UNC13B: variants seen among roughly 807,000 people sequenced by gnomAD.
UNC13B encodes the protein protein unc-13 homolog B.
UNC13B carries 144 observed loss-of-function variants against 211.0 expected under a neutral mutation model. That is an observed-to-expected ratio of 0.68 (90% confidence interval 0.60 to 0.78). UNC13B has a LOEUF of 0.78. Among genes scored for constraint, UNC13B ranks in the 30% least tolerant of loss-of-function variants. The pLI, the probability that UNC13B is intolerant of heterozygous loss-of-function variation, is 0.00. For synonymous variants in UNC13B, 709 were observed against 725.8 expected (o/e 0.98, Z 0.37); for missense variants, 1,777 against 2,002.0 (o/e 0.89, Z 2.14).
At chr9:35,214,699 T>G (rs1824162845) in intron 1 of UNC13B, among the ~76,000 whole-genome samples, 1 of 152,090 alleles carries the variant, frequency 6.6e-6, no homozygotes, top group Non-Finnish European at 1.5e-5. Flanking sequence ...AGAGGCAATA[T>G]TTAATGAGAA....
At position 35,310,727 on chromosome 9, in the gene UNC13B, A is replaced by C. The variant is rs1564128223; in HGVS notation, c.9269A>C (p.His3090Pro). 2.5e-6 allele frequency: 4 copies of C among 1,613,438 alleles called. No homozygotes were observed. In the African/African-American group the frequency reaches 4.0e-5, roughly 16 times the overall value. The change falls in exon 10 of 40, where the codon CAC (histidine) becomes CCC (proline). Residue 3090 changes from histidine to proline, a missense_variant. Coordinates refer to ENST00000635942, the MANE Select transcript of UNC13B (RefSeq NM_001371189.2). ...PKEMKEDATT[H>P]PPPDLVLQKD... Reference sequence around the variant, plus strand: ...GAGATGAAAGAAGATGCCACAACCCACCCTCCCCCAGATCTGGTGCTGCAA... The same window carrying C: ...GAGATGAAAGAAGATGCCACAACCCCCCCTCCCCCAGATCTGGTGCTGCAA...
chr9:35,249,679 G>T (rs2131585191), intron 6 of UNC13B, among the ~76,000 whole-genome samples: 1 of 152,192 alleles, frequency 6.6e-6, no homozygotes, highest in South Asian at 2.1e-4. Flanking sequence ...GTTGAATATT[G>T]GCCCCCACTC....
chr9:35,395,831 G>A (rs569444057), intron 26 of UNC13B, among the ~76,000 whole-genome samples: 1 of 152,278 alleles, frequency 6.6e-6, no homozygotes, highest in South Asian at 2.1e-4. Context: ...ATCTGGCTGT[G>A]TTTCCATAGT....
At chr9:35,346,088 C>T (rs1832340668) in intron 11 of UNC13B, among the ~76,000 whole-genome samples, 1 of 152,084 alleles carries the variant, frequency 6.6e-6, no homozygotes, top group South Asian at 2.1e-4. Flanking sequence ...TATCTTGTGC[C>T]CTGATCATTT....
chr9:35,287,118 TTTTCTTTC>T (rs564451877), intron 7 of UNC13B, among the ~76,000 whole-genome samples: 4 of 150,894 alleles, frequency 2.7e-5, no homozygotes, highest in African/African-American at 7.2e-5. Context: ...TTTCATTTCT[TTTTCTTTC>T]TTTCTTTCTT....
At chr9:35,338,473 C>G (rs1285657159) in intron 11 of UNC13B, among the ~76,000 whole-genome samples, 1 of 152,136 alleles carries the variant, frequency 6.6e-6, no homozygotes, top group Non-Finnish European at 1.5e-5. Flanking sequence ...AGGGAAGGAG[C>G]AGGATTACCT....
Position 35,162,232 on chromosome 9 carries a change from G to T in UNC13B, c.-52G>T. The T allele has an allele frequency of 1.3e-6, 2 of 1,542,108 alleles. No individual in the cohort carries two copies. Among genetic ancestry groups the T allele is most frequent in the East Asian group, 2.4e-5 (1 of 40,862 alleles). ...CGCGGCACCTGCTGAGAGGAAAGAGGGAGCGGTCCGGCGCGGCTGGGGCGC... is the reference window on the plus strand; with the variant it reads ...CGCGGCACCTGCTGAGAGGAAAGAGTGAGCGGTCCGGCGCGGCTGGGGCGC... On this transcript the variant is annotated 5_prime_UTR_variant, in exon 1 of 40. Transcript: ENST00000635942.
intron 1 of UNC13B, among the ~76,000 whole-genome samples, chr9:35,165,551 G>T (rs932921251): frequency 4.5e-4 from 69 of 151,926 alleles, no homozygotes; most frequent in African/African-American, 1.6e-3. Context: ...TGGGGTAGCT[G>T]GGATTACAGG....
rs1196916998 is a variant in UNC13B at position 35,398,211 on chromosome 9, C to G, written c.11755C>G (p.Pro3919Ala). ...TCAACAGCTACATCTGTCCCCAAAG[C>G]CCTGCATCCTGATGAACAACGTGCA... Reference protein sequence around the residue: ...FPAYCTKEKLPCILMNNVQQL... With the variant: ...FPAYCTKEKLACILMNNVQQL... Residue 3919 changes from proline to alanine, a missense_variant and splice_region_variant, in exon 31 of 40, where the codon CCC (proline) becomes GCC (alanine). By Grantham distance (27) the Pro-to-Ala change is conservative (BLOSUM62 -1). Transcript: ENST00000635942. The G allele has an allele frequency of 1.9e-6, 3 of 1,613,462 alleles. No individual in the cohort carries two copies. Among genetic ancestry groups the G allele is most frequent in the Non-Finnish European group, 2.5e-6 (3 of 1,179,704 alleles).
At chr9:35,169,905 T>C (rs1339738978) in intron 1 of UNC13B, among the ~76,000 whole-genome samples, 1 of 152,236 alleles carries the variant, frequency 6.6e-6, no homozygotes, top group African/African-American at 2.4e-5. Context: ...GTTTGGGCTG[T>C]GTATCATTAG....
chr9:35,278,206 G>A (rs1046710027), intron 7 of UNC13B, among the ~76,000 whole-genome samples: 12 of 152,116 alleles, frequency 7.9e-5, no homozygotes, highest in Non-Finnish European at 1.5e-4. Context: ...TACAGGGCTC[G>A]CCCAGTTTGG....
chr9:35,174,344 G>A (rs1481140707), intron 1 of UNC13B, among the ~76,000 whole-genome samples: 1 of 151,168 alleles, frequency 6.6e-6, no homozygotes, highest in Non-Finnish European at 1.5e-5. Flanking sequence ...TTTTTGTCGG[G>A]GGGCAGGGTC....
chr9:35,242,818 ATGT>A (rs1825881492), intron 5 of UNC13B, among the ~76,000 whole-genome samples: 1 of 152,186 alleles, frequency 6.6e-6, no homozygotes, highest in African/African-American at 2.4e-5. Context: ...TGGGAGAACT[ATGT>A]CACATGGTAA....
intron 7 of UNC13B, among the ~76,000 whole-genome samples, chr9:35,268,976 T>C (rs1437349720): frequency 6.6e-6 from 1 of 152,256 alleles, no homozygotes; most frequent in Non-Finnish European, 1.5e-5. Flanking sequence ...GGTTTCTCTA[T>C]ACTTGCACAA....
At position 35,302,124 on chromosome 9, in the gene UNC13B, C is replaced by G. The variant is rs1281510868; in HGVS notation, c.2720C>G (p.Ser907Ter). Reference sequence around the variant, plus strand: ...GTTAATGACCAGAGTTTACGTGGCTCAGCAGTAACCACTGATGAGGAGAGC... The same window carrying G: ...GTTAATGACCAGAGTTTACGTGGCTGAGCAGTAACCACTGATGAGGAGAGC... ...VTVNDQSLRG[S>*]AVTTDEESKK... Residue 907 changes from serine to a stop codon, truncating the protein, a stop_gained, in exon 9 of 40, where the codon TCA becomes TGA. Coordinates refer to ENST00000635942, the MANE Select transcript of UNC13B (RefSeq NM_001371189.2). LOFTEE classifies it high-confidence loss of function. The G allele has an allele frequency of 1.0e-5, 4 of 398,570 alleles. No homozygotes were observed. Among genetic ancestry groups the G allele is most frequent in the Non-Finnish European group, 1.8e-5 (4 of 225,820 alleles). The allele number at this position is 398,570 out of a possible 1,614,324, so 24.7% of individuals were successfully genotyped here. A position where few individuals can be genotyped will look rare whatever the true frequency, so the allele number is the denominator to read the frequency against.
intron 7 of UNC13B, among the ~76,000 whole-genome samples, chr9:35,285,109 A>G (rs1191351011): frequency 6.6e-6 from 1 of 152,196 alleles, no homozygotes; most frequent in East Asian, 1.9e-4. Context: ...TTTACCTTCT[A>G]GGAAAGAGGA....
In UNC13B at chr9:35,307,299, T is replaced by C. The variant is rs1237091628; in HGVS notation, c.7895T>C (p.Met2632Thr). 7 of 398,754 alleles carry C rather than the reference T, an allele frequency of 1.8e-5. No individual in the cohort carries two copies. The highest frequency in any genetic ancestry group is 1.3e-5 in the Non-Finnish European group (3 of 226,048). 24.7% of individuals were successfully genotyped at this position (398,754 alleles called of 1,614,324 possible). A position where few individuals can be genotyped will look rare whatever the true frequency, so the allele number is the denominator to read the frequency against. Residue 2632 changes from methionine (M) to threonine (T), a missense_variant, in exon 9 of 40, where the codon ATG becomes ACG. Transcript: ENST00000635942. ...GVLSLSDEGD[M>T]GILQATDTEA... ...TTGTCTCTGAGTGATGAAGGAGACA[T>C]GGGGATATTGCAAGCTACAGACACG... is the stretch of plus-strand genomic sequence containing the variant.
chr9:35,244,693 T>A (rs1398330783), intron 6 of UNC13B, among the ~76,000 whole-genome samples: 2 of 152,140 alleles, frequency 1.3e-5, no homozygotes, highest in Non-Finnish European at 2.9e-5. Flanking sequence ...TCTGTGTGTC[T>A]GTGTCTAAAT....
intron 14 of UNC13B, 100 bp downstream of exon 14, chr9:35,375,301 G>C (rs911170381): frequency 7.8e-7 from 1 of 1,278,402 alleles, no homozygotes; most frequent in Admixed American, 1.7e-5. Context: ...GAATTCAAGA[G>C]TGCTGGACAC....
Sources: gnomAD v4.1 joint callset for allele counts (sites outside exome capture counted in the v4.1 genomes callset) on GRCh38, gnomAD v4.1.1 for gene constraint, MANE v1.5 for transcripts, NCBI Gene and HGNC (gene_info 2026-07-23, HGNC 2026-07-21) for gene names.